DENND2B: variants seen among roughly 807,000 people sequenced by gnomAD.
The protein encoded by DENND2B is DENN domain-containing protein 2B.
DENND2B carries 32 observed loss-of-function variants against 116.0 expected under a neutral mutation model. The observed-to-expected ratio is 0.28, with a 90% confidence interval of 0.21 to 0.37. The LOEUF (loss-of-function observed/expected upper bound fraction) is 0.37, where lower values mean the gene tolerates loss of function less well. Ranked by LOEUF, DENND2B falls within the 10% of genes least tolerant of loss-of-function variation. The pLI is 1.00. For synonymous variants in DENND2B, 588 were observed against 583.9 expected (o/e 1.01, Z -0.10); for missense variants, 1,276 against 1,477.7 (o/e 0.86, Z 2.24).
intron 4 of DENND2B, 66 bp downstream of exon 4, chr11:8,726,007 T>C (rs1433626576): frequency 6.2e-7 from 1 of 1,607,684 alleles, no homozygotes; most frequent in Non-Finnish European, 8.5e-7. Context: ...TCTAGGTGTC[T>C]CCTCCTGTTC....
At chr11:8,697,855 G>A (rs1032753021) in intron 16 of DENND2B, 21 of 574,934 alleles carry the variant, frequency 3.7e-5, no homozygotes, top group East Asian at 2.2e-4. Context: ...AGGGTCAGGC[G>A]CAGTGGCTCA....
At chr11:8,840,911 A>G (rs1392700619) in intron 3 of DENND2B, among the ~76,000 whole-genome samples, 1 of 152,208 alleles carries the variant, frequency 6.6e-6, no homozygotes, top group African/African-American at 2.4e-5. Flanking sequence ...GAGTGAAATT[A>G]CAATGCTTGT....
At chr11:8,821,844 T>A (rs1469485842) in intron 4 of DENND2B, among the ~76,000 whole-genome samples, 1 of 152,138 alleles carries the variant, frequency 6.6e-6, no homozygotes, top group East Asian at 1.9e-4. Context: ...CAGGCTGGAG[T>A]GGAGTGGCAA....
chr11:8,759,048 TC>T (rs1402205595), intron 1 of DENND2B, among the ~76,000 whole-genome samples: 2 of 151,914 alleles, frequency 1.3e-5, no homozygotes, highest in Non-Finnish European at 2.9e-5. Context: ...ACCAGACAAC[TC>T]TCTACCATCC....
At chr11:8,852,111 A>G (rs973957196) in intron 3 of DENND2B, among the ~76,000 whole-genome samples, 4 of 152,232 alleles carry the variant, frequency 2.6e-5, no homozygotes, top group African/African-American at 9.6e-5. Flanking sequence ...TGAATTTGCC[A>G]AAGAATAAAG....
intron 11 of DENND2B, among the ~76,000 whole-genome samples, 178 bp downstream of exon 11, chr11:8,710,667 T>C (rs1008781845): frequency 3.9e-5 from 6 of 152,092 alleles, no homozygotes; most frequent in African/African-American, 1.4e-4. Flanking sequence ...TAGCCTCACC[T>C]GTGAAAGTGT....
At chr11:8,839,431 A>AG (rs1372843429) in intron 3 of DENND2B, 37 of 152,340 alleles carry the variant, frequency 2.4e-4, no homozygotes, top group African/African-American at 8.4e-4. Context: ...AGGGCTTCAA[A>AG]TAGGATCCCT....
chr11:8,903,582 C>G (rs1331784059), intron 1 of DENND2B, among the ~76,000 whole-genome samples: 1 of 150,342 alleles, frequency 6.7e-6, no homozygotes, highest in African/African-American at 2.4e-5. Context: ...TTTTTGTCAA[C>G]AAATTAGACA....
intron 2 of DENND2B, among the ~76,000 whole-genome samples, chr11:8,862,967 G>C (rs2063448892): frequency 1.3e-5 from 2 of 152,128 alleles, no homozygotes; most frequent in Admixed American, 6.5e-5. Context: ...AAGGCTGCTA[G>C]ATGTTATTTT....
At chr11:8,799,175 T>TA (rs1427510308) in intron 1 of DENND2B, among the ~76,000 whole-genome samples, 3 of 152,132 alleles carry the variant, frequency 2.0e-5, no homozygotes, top group African/African-American at 7.2e-5. Context: ...GGGTACTTAT[T>TA]AGAGTTCAGT....
chr11:8,756,242 A>G (rs4929934), intron 1 of DENND2B, among the ~76,000 whole-genome samples: 88,441 of 152,024 alleles, frequency 0.58, 26,625 homozygotes, highest in Non-Finnish European at 0.66. Context: ...CTTTCCCTGA[A>G]TTTCTGCTTT....
intron 3 of DENND2B, among the ~76,000 whole-genome samples, chr11:8,852,261 T>C (rs567526051): frequency 2.0e-4 from 31 of 152,182 alleles, no homozygotes; most frequent in Non-Finnish European, 4.1e-4. Context: ...GACTTCTGAA[T>C]GTCACATTAA....
rs995267511 is a variant in DENND2B, at chr11:8,774,357, T to C, written c.-25-23632A>G. 8.2e-6 allele frequency: 8 copies of C among 978,714 alleles called. No individual in the cohort carries two copies. In the African/African-American group the frequency reaches 1.2e-4, roughly 15 times the overall value. The allele number at this position is 978,714 out of a possible 1,614,324, so 60.6% of individuals were successfully genotyped here. On this transcript the variant is annotated intron_variant, in intron 1 of 19. Coordinates refer to ENST00000313726, the MANE Select transcript of DENND2B (RefSeq NM_213618.2). Reference sequence around the variant, plus strand: ...AGTTCTGACTAGTGAAAGCACACCTTTGTTGACAGAAACATGTTCTCCTTC... The same window carrying C: ...AGTTCTGACTAGTGAAAGCACACCTCTGTTGACAGAAACATGTTCTCCTTC...
intron 1 of DENND2B, among the ~76,000 whole-genome samples, chr11:8,890,383 TG>T (rs1364485991): frequency 2.0e-5 from 3 of 152,078 alleles, no homozygotes; most frequent in Non-Finnish European, 4.4e-5. Context: ...CAGAACAAGC[TG>T]GATGGAGAAT....
rs2048065068 is a variant in DENND2B, at chr11:8,731,122, C to T, written c.168G>A (p.Arg56=). 1.3e-6 allele frequency: 2 copies of T among 1,595,988 alleles called. No individual in the cohort carries two copies. Among genetic ancestry groups the T allele is most frequent in the African/African-American group, 2.7e-5 (2 of 74,606 alleles). ...CCCGGGAGCTGGAGTGGCTGGGGTA[C>T]CTGCAGGCTGAGGTTTCACTATCAC... ...PLSDSETSAC[R]YPSHSSSRVL... is the part of the protein sequence containing the mutation. The change falls in exon 3 of 20, where the codon AGG becomes AGA. Residue 56 remains arginine (R), a synonymous_variant. Transcript: ENST00000313726.
chr11:8,718,507 A>G, intron 4 of DENND2B: 1 of 1,460,060 alleles, frequency 6.8e-7, no homozygotes, highest in Non-Finnish European at 9.0e-7. Context: ...AACAGTGATT[A>G]GCAAGGAGGA....
At chr11:8,846,328 T>C (rs574751831) in intron 3 of DENND2B, among the ~76,000 whole-genome samples, 1 of 152,114 alleles carries the variant, frequency 6.6e-6, no homozygotes, top group African/African-American at 2.4e-5. Flanking sequence ...GCTGGTGACA[T>C]TGGAAGGAAG....
chr11:8,901,321 C>G (rs1202684325), intron 1 of DENND2B, among the ~76,000 whole-genome samples: 1 of 148,556 alleles, frequency 6.7e-6, no homozygotes, highest in African/African-American at 2.5e-5. Context: ...CCTCCACCTC[C>G]CAGGTTCAAG....
chr11:8,774,004 G>T, intron 1 of DENND2B: 1 of 571,760 alleles, frequency 1.7e-6, no homozygotes, highest in Non-Finnish European at 2.2e-6. Flanking sequence ...TGAAGCTTTG[G>T]ATGTGTTGCC....
Sources: gnomAD v4.1 joint callset for allele counts (sites outside exome capture counted in the v4.1 genomes callset) on GRCh38, gnomAD v4.1.1 for gene constraint, MANE v1.5 for transcripts, NCBI Gene and HGNC (gene_info 2026-07-23, HGNC 2026-07-21) for gene names.